The following EDA variants were observed in gnomAD, a reference collection of about 807,000 sequenced individuals.
EDA encodes ectodysplasin A, also known as ectodysplasin-A.
Under a neutral mutation model 23.6 loss-of-function variants are expected in EDA, and 2 were observed. That is an observed-to-expected ratio of 0.08 (90% CI 0.03 to 0.27). EDA has a LOEUF of 0.27. Ranked by LOEUF, EDA falls within the 10% of genes least tolerant of loss-of-function variation. The probability of loss-of-function intolerance (pLI) is 1.00; values close to 1 mark genes in which losing one functional copy is unlikely to be tolerated. For synonymous variants in EDA, 131 were observed against 132.0 expected (o/e 0.99, Z 0.05); for missense variants, 229 against 324.2 (o/e 0.71, Z 2.26).
chrX:70,028,145 G>A, intron 4 of EDA, 109 bp downstream of exon 4: 2 of 1,120,300 alleles, frequency 1.8e-6, no homozygotes, highest in Non-Finnish European at 2.4e-6. Context: ...GGGTTGGTGT[G>A]CAATAAGGGA....
intron 1 of EDA, among the ~76,000 whole-genome samples, chrX:69,678,139 C>T (rs964294184): frequency 3.3e-4 from 37 of 110,817 alleles, no homozygotes; most frequent in African/African-American, 4.6e-4. Context: ...TGTAGATATG[C>T]GACGTTATTC....
intron 1 of EDA, among the ~76,000 whole-genome samples, chrX:69,945,976 C>T (rs1199923555): frequency 1.8e-5 from 2 of 111,994 alleles, no homozygotes; most frequent in African/African-American, 6.5e-5. Context: ...CACACCTGGA[C>T]ACATGGGGCA....
chrX:69,775,901 A>G (rs1333689437), intron 1 of EDA, among the ~76,000 whole-genome samples: 1 of 111,878 alleles, frequency 8.9e-6, no homozygotes, highest in East Asian at 2.8e-4. Flanking sequence ...TCTTGTAACC[A>G]TAGATCATTA....
chrX:69,641,201 G>A (rs1234992279), intron 1 of EDA, among the ~76,000 whole-genome samples: 1 of 111,265 alleles, frequency 9.0e-6, no homozygotes, highest in African/African-American at 3.3e-5. Flanking sequence ...GTTTTAACTG[G>A]CAAATTGGAG....
At chrX:69,997,386 T>C (rs918492927) in intron 2 of EDA, among the ~76,000 whole-genome samples, 23 of 111,758 alleles carry the variant, frequency 2.1e-4, no homozygotes, top group African/African-American at 7.5e-4. Flanking sequence ...TGAGAGATGA[T>C]TTAGGGTATC....
At chrX:69,854,942 T>G (rs1371083606) in intron 1 of EDA, among the ~76,000 whole-genome samples, 2 of 111,671 alleles carry the variant, frequency 1.8e-5, no homozygotes, top group Non-Finnish European at 3.8e-5. Flanking sequence ...AAGCATTCCT[T>G]TTTCTCCACA....
At chrX:69,708,184 C>T (rs760336346) in intron 1 of EDA, among the ~76,000 whole-genome samples, 2 of 112,093 alleles carry the variant, frequency 1.8e-5, no homozygotes, top group East Asian at 5.6e-4. Flanking sequence ...ACAAATTGGG[C>T]AGCCCTCAAA....
At chrX:69,623,158 C>T (rs868251401) in intron 1 of EDA, among the ~76,000 whole-genome samples, 3 of 112,229 alleles carry the variant, frequency 2.7e-5, no homozygotes, top group African/African-American at 9.7e-5. Context: ...CTTGGATATT[C>T]TTGGCCCTTT....
chrX:70,027,577 T>A (rs939258892), intron 3 of EDA, among the ~76,000 whole-genome samples: 1 of 110,633 alleles, frequency 9.0e-6, no homozygotes, highest in Non-Finnish European at 1.9e-5. Context: ...AATCCCAGCA[T>A]TTTGGGAGGC....
chrX:69,888,893 G>A (rs1458339123), intron 1 of EDA, among the ~76,000 whole-genome samples: 1 of 93,603 alleles, frequency 1.1e-5, no homozygotes, highest in African/African-American at 3.9e-5. Flanking sequence ...AAACATGGCG[G>A]TACAAATATC....
intron 1 of EDA, among the ~76,000 whole-genome samples, chrX:69,752,349 C>T (rs1316216659): frequency 1.8e-5 from 2 of 111,632 alleles, no homozygotes; most frequent in Admixed American, 1.9e-4. Context: ...TGGTTTTTGT[C>T]TTTGGTTTTA....
At chrX:69,733,919 C>T (rs866839538) in intron 1 of EDA, among the ~76,000 whole-genome samples, 2 of 102,924 alleles carry the variant, frequency 1.9e-5, no homozygotes, top group Non-Finnish European at 4.0e-5. Flanking sequence ...AATATTTTTG[C>T]TTTTTTTTTT....
intron 1 of EDA, among the ~76,000 whole-genome samples, chrX:69,623,326 T>A (rs1932255622): frequency 8.9e-6 from 1 of 112,122 alleles, no homozygotes; most frequent in Non-Finnish European, 1.9e-5. Context: ...TGGTGTTTGG[T>A]GAGTGCCTTC....
intron 2 of EDA, among the ~76,000 whole-genome samples, chrX:70,008,812 G>A (rs776041431): frequency 4.4e-4 from 49 of 111,714 alleles, no homozygotes; most frequent in Non-Finnish European, 7.9e-4. Context: ...CCCAGGTAGT[G>A]CCTCTGATTT....
chrX:69,810,148 C>G (rs1465393340), intron 1 of EDA, among the ~76,000 whole-genome samples: 1 of 102,746 alleles, frequency 9.7e-6, no homozygotes, highest in Non-Finnish European at 2.0e-5. Flanking sequence ...ATCCCAGCTA[C>G]TCAGGAGGCT....
chrX:69,826,897 G>T (rs1183018195), intron 1 of EDA, among the ~76,000 whole-genome samples: 3 of 111,459 alleles, frequency 2.7e-5, no homozygotes, highest in Non-Finnish European at 5.6e-5. Context: ...CAGGCCTGGT[G>T]GTGACAAAAT....
intron 1 of EDA, among the ~76,000 whole-genome samples, chrX:69,682,791 T>C (rs948864775): frequency 2.7e-5 from 3 of 111,249 alleles, no homozygotes; most frequent in Non-Finnish European, 5.7e-5. Context: ...TCTGCCTCAC[T>C]CTCCCTGGGA....
At chrX:69,880,487 C>T (rs376049796) in intron 1 of EDA, among the ~76,000 whole-genome samples, 2 of 111,632 alleles carry the variant, frequency 1.8e-5, no homozygotes, top group South Asian at 3.8e-4. Context: ...ACTCAGGGGA[C>T]GAAACTAGTG....
At chrX:69,749,949 T>C (rs991891254) in intron 1 of EDA, among the ~76,000 whole-genome samples, 5 of 81,639 alleles carry the variant, frequency 6.1e-5, no homozygotes, top group African/African-American at 1.2e-4. Context: ...TTTTTTTTTT[T>C]GGTTGGGGAG....
Sources: gnomAD v4.1 joint callset for allele counts (sites outside exome capture counted in the v4.1 genomes callset) on GRCh38, gnomAD v4.1.1 for gene constraint, MANE v1.5 for transcripts, NCBI Gene and HGNC (gene_info 2026-07-23, HGNC 2026-07-21) for gene names.